Variants in SCRN1 observed in about 807,000 individuals in gnomAD.
SCRN1 encodes the protein secernin-1.
Under a neutral mutation model 43.3 loss-of-function variants are expected in SCRN1, and 19 were observed. The observed-to-expected ratio is 0.44, with a 90% CI of 0.31 to 0.64. The LOEUF (loss-of-function observed/expected upper bound fraction) is 0.64, where lower values mean the gene tolerates loss of function less well. Among genes scored for constraint, SCRN1 ranks in the 30% least tolerant of loss-of-function variants. The pLI, the probability that SCRN1 is intolerant of heterozygous loss-of-function variation, is 0.09. For synonymous variants in SCRN1, 183 were observed against 188.9 expected (o/e 0.97, Z 0.26); for missense variants, 447 against 524.1 (o/e 0.85, Z 1.44).
At chr7:29,928,153 T>C (rs888407484) in intron 6 of SCRN1, among the ~76,000 whole-genome samples, 5 of 152,058 alleles carry the variant, frequency 3.3e-5, no homozygotes, top group Non-Finnish European at 4.4e-5. Flanking sequence ...AGAAAAACTA[T>C]TTTCAGGTAT....
intron 1 of SCRN1, among the ~76,000 whole-genome samples, chr7:29,986,280 T>A (rs1789149407): frequency 6.6e-6 from 1 of 152,210 alleles, no homozygotes; most frequent in Non-Finnish European, 1.5e-5. Flanking sequence ...AATTTTATAT[T>A]TTCTAGTAGC....
chr7:29,965,638 C>A lies in SCRN1; in HGVS notation c.159+3271G>T, dbSNP rs1474828157. ...CACCTGCAGAATATGCAAGTGGGAA[C>A]GCAAAGAGGCAGCTCAAAACACAGG... On this transcript the variant is annotated intron_variant, in intron 2 of 7. Coordinates refer to ENST00000242059, the MANE Select transcript of SCRN1 (RefSeq NM_014766.5). This position sits in a 1 kb window ranked among gnomAD's most constrained non-coding sequence, Gnocchi z 4.2. 6.6e-6 allele frequency among the ~76,000 whole-genome samples: 1 copy of A among 152,088 alleles called. No individual in the cohort carries two copies. Among genetic ancestry groups the A allele is most frequent in the Non-Finnish European group, 1.5e-5 (1 of 68,010 alleles).
intron 5 of SCRN1, among the ~76,000 whole-genome samples, chr7:29,938,537 G>A (rs1382898687): frequency 3.3e-5 from 5 of 152,230 alleles, no homozygotes; most frequent in Admixed American, 2.0e-4. Flanking sequence ...GAAGGTTGTG[G>A]GGTTAACGGA....
chr7:29,955,705 G>A (rs1396410419), intron 2 of SCRN1, among the ~76,000 whole-genome samples: 5 of 152,108 alleles, frequency 3.3e-5, no homozygotes, highest in Admixed American at 3.3e-4. Context: ...AGCTATTTAC[G>A]AGCCCTACCT....
chr7:29,949,341 T>TAAC (rs1787841320), intron 3 of SCRN1, among the ~76,000 whole-genome samples: 1 of 145,482 alleles, frequency 6.9e-6, no homozygotes, highest in Non-Finnish European at 1.5e-5. Flanking sequence ...AAGGGCACCC[T>TAAC]AACAACCAGA....
intron 1 of SCRN1, among the ~76,000 whole-genome samples, chr7:29,986,001 G>A (rs763633688): frequency 3.4e-4 from 52 of 152,214 alleles, no homozygotes; most frequent in Non-Finnish European, 7.1e-4. Context: ...TTGGGAGGCC[G>A]AGGCGGGCAG....
At chr7:29,931,747 TGAGGA>T (rs1283836925) in intron 6 of SCRN1, among the ~76,000 whole-genome samples, 3 of 152,148 alleles carry the variant, frequency 2.0e-5, no homozygotes, top group Non-Finnish European at 4.4e-5. Flanking sequence ...GCAAATCTAC[TGAGGA>T]GAGTTAGCAC....
intron 2 of SCRN1, among the ~76,000 whole-genome samples, chr7:29,966,511 ACAACT>A (rs1788503334): frequency 6.6e-6 from 1 of 151,848 alleles, no homozygotes; most frequent in Non-Finnish European, 1.5e-5. Flanking sequence ...AAGGTCAGTA[ACAACT>A]CAAATCAGCA....
intron 1 of SCRN1, 162 bp from the exon 2 acceptor site, chr7:29,969,230 G>C: frequency 1.5e-6 from 1 of 674,430 alleles, no homozygotes; most frequent in Non-Finnish European, 2.3e-6. Context: ...TGGGACGCCT[G>C]CAGTGGAATG....
chr7:29,932,958 C>T (rs1205225972), intron 6 of SCRN1, among the ~76,000 whole-genome samples: 1 of 152,000 alleles, frequency 6.6e-6, no homozygotes, highest in African/African-American at 2.4e-5. Flanking sequence ...CTCACTGCAA[C>T]CTTTGCCTCC....
intron 1 of SCRN1, among the ~76,000 whole-genome samples, chr7:29,976,464 T>C (rs940839581): frequency 2.6e-5 from 4 of 152,196 alleles, no homozygotes; most frequent in African/African-American, 9.6e-5. Context: ...CGTACAGATT[T>C]CAGTTTTGCA....
chr7:29,944,868 T>G (rs535699693), intron 3 of SCRN1, among the ~76,000 whole-genome samples: 1 of 152,014 alleles, frequency 6.6e-6, no homozygotes, highest in Non-Finnish European at 1.5e-5. Flanking sequence ...ACCACCCCTC[T>G]GTGGCATGTA....
intron 2 of SCRN1, among the ~76,000 whole-genome samples, chr7:29,966,159 C>CAGACAGAGAGAGAGAGAGAG (rs1310111629): frequency 3.6e-5 from 3 of 84,406 alleles, no homozygotes; most frequent in East Asian, 6.9e-4. Context: ...GACCGAGAGA[C>CAGACAGAGAGAGAGAGAGAG]AGAGAGAGAG....
At chr7:29,958,589 C>G (rs1788210493) in intron 2 of SCRN1, among the ~76,000 whole-genome samples, 1 of 152,298 alleles carries the variant, frequency 6.6e-6, no homozygotes, top group Non-Finnish European at 1.5e-5. Flanking sequence ...AGTCAAAATT[C>G]CTAGCTTAAT....
At chr7:29,947,695 T>C (rs778710727) in intron 3 of SCRN1, among the ~76,000 whole-genome samples, 17 of 152,214 alleles carry the variant, frequency 1.1e-4, no homozygotes, top group Non-Finnish European at 1.6e-4. Context: ...TATGAAGTGA[T>C]TGCTTGTCCC....
chr7:29,970,872 C>T (rs1788645104), intron 1 of SCRN1, among the ~76,000 whole-genome samples: 1 of 152,174 alleles, frequency 6.6e-6, no homozygotes, highest in Admixed American at 6.5e-5. Context: ...TTATTCACCA[C>T]CCACAGGTAC....
At chr7:29,982,682 CAAAAAAAAAAAAA>C (rs10538004) in intron 1 of SCRN1, among the ~76,000 whole-genome samples, 1 of 64,746 alleles carries the variant, frequency 1.5e-5, no homozygotes, top group Admixed American at 1.9e-4. Context: ...GACCCTGTCT[CAAAAAAAAAAAAA>C]AAAAAAAAAA....
At chr7:29,967,824 C>T (rs1332565598) in intron 2 of SCRN1, among the ~76,000 whole-genome samples, 1 of 152,086 alleles carries the variant, frequency 6.6e-6, no homozygotes, top group African/African-American at 2.4e-5. Context: ...TAAAAGCTGA[C>T]ACAACCAATA....
In SCRN1 at chr7:29,950,829, A is replaced by T. The variant is rs2128092877; in HGVS notation, c.341+4350T>A. Among the ~76,000 whole-genome samples the T allele has an allele frequency of 6.6e-6, 1 of 152,294 alleles. No individual in the cohort carries two copies. The highest frequency in any genetic ancestry group is 1.9e-4 in the East Asian group (1 of 5,182). ...TCAGGATGACCTGCCTGCAGAATGG[A>T]GCTACCCACTTTGGGTCCCCTGAGA... On this transcript the variant is annotated intron_variant, in intron 3 of 7. Coordinates refer to ENST00000242059, the MANE Select transcript of SCRN1 (RefSeq NM_014766.5). The surrounding 1 kb of genome is among the most constrained non-coding windows in gnomAD (Gnocchi z 4.5).
Sources: allele counts gnomAD v4.1 joint callset (sites outside exome capture counted in the v4.1 genomes callset), GRCh38; gene constraint gnomAD v4.1.1; non-coding constraint Gnocchi (gnomAD v3.1); transcripts MANE v1.5; gene names NCBI Gene and HGNC (gene_info 2026-07-23, HGNC 2026-07-21).